LINGO2: variants seen among roughly 807,000 people sequenced by gnomAD.
LINGO2 encodes leucine-rich repeat and immunoglobulin-like domain-containing nogo receptor-interacting protein 2.
LINGO2 carries 14 observed loss-of-function variants against 30.6 expected under a neutral mutation model. That is an observed-to-expected ratio of 0.46 (90% CI 0.30 to 0.72). The LOEUF is 0.72. Among genes scored for constraint, LINGO2 ranks in the 30% least tolerant of loss-of-function variants. LINGO2 has a pLI of 0.07. For synonymous variants in LINGO2, 317 were observed against 288.5 expected (o/e 1.10, Z -1.00); for missense variants, 729 against 751.7 (o/e 0.97, Z 0.35).
chr9:28,140,109 T>C (rs148835185), intron 4 of LINGO2, among the ~76,000 whole-genome samples: 6 of 152,282 alleles, frequency 3.9e-5, no homozygotes, highest in African/African-American at 1.4e-4. Flanking sequence ...AGGCTAAATC[T>C]TAAAGACCTA....
chr9:29,161,984 A>G, the LINGO2 span, among the ~76,000 whole-genome samples: 1 of 151,882 alleles, frequency 6.6e-6, no homozygotes, highest in South Asian at 2.1e-4. Context: ...CAGTGGCACA[A>G]TCTCGGCTTA....
chr9:29,060,954 G>A, the LINGO2 span, among the ~76,000 whole-genome samples: 1 of 151,834 alleles, frequency 6.6e-6, no homozygotes, highest in Non-Finnish European at 1.5e-5. Flanking sequence ...ATAGATTACA[G>A]CAGAAAAAAA....
chr9:28,861,189 AT>A, the LINGO2 span, among the ~76,000 whole-genome samples: 47 of 102,412 alleles, frequency 4.6e-4, no homozygotes, highest in African/African-American at 1.9e-3. Context: ...ATATTAATAT[AT>A]TTTATATATT....
chr9:28,510,596 T>G (rs1205617778), intron 1 of LINGO2, among the ~76,000 whole-genome samples: 1 of 151,944 alleles, frequency 6.6e-6, no homozygotes, highest in Middle Eastern at 3.4e-3. Context: ...AACAGGCACA[T>G]TCAGTGAAAC....
At chr9:28,684,656 C>T in the LINGO2 span, among the ~76,000 whole-genome samples, 1 of 151,466 alleles carries the variant, frequency 6.6e-6, no homozygotes, top group Non-Finnish European at 1.5e-5. Flanking sequence ...GTAGCTGGGA[C>T]CACAAGCACA....
chr9:28,023,812 A>G (rs185050532), intron 4 of LINGO2, among the ~76,000 whole-genome samples: 13 of 152,194 alleles, frequency 8.5e-5, no homozygotes, highest in Middle Eastern at 3.4e-3. Context: ...TAGAGATAAA[A>G]CTTACCAAAG....
the LINGO2 span, among the ~76,000 whole-genome samples, chr9:28,979,072 G>C: frequency 1.3e-5 from 2 of 151,886 alleles, no homozygotes; most frequent in Non-Finnish European, 2.9e-5. Flanking sequence ...CCTGCTGTCT[G>C]CTCTTTTGTT....
the LINGO2 span, among the ~76,000 whole-genome samples, chr9:28,970,472 A>G: frequency 6.6e-6 from 1 of 152,086 alleles, no homozygotes. Flanking sequence ...CTATCCATGA[A>G]AGAGGCAATG....
intron 5 of LINGO2, among the ~76,000 whole-genome samples, chr9:27,981,064 A>G (rs1203938138): frequency 6.6e-6 from 1 of 151,822 alleles, no homozygotes; most frequent in Non-Finnish European, 1.5e-5. Context: ...GCTGATGAGT[A>G]TGTATTTGTA....
In LINGO2 at chr9:28,554,207, T is replaced by C. The variant is rs201105385; in HGVS notation, c.-364-78182A>G. Among the ~76,000 whole-genome samples, 51 of 151,584 alleles carry C rather than the reference T, an allele frequency of 3.4e-4. No homozygotes were observed. The East Asian group carries it at 8.8e-3, about 26-fold the overall frequency. Reference sequence around the variant, plus strand: ...CAATTAAAAGACACAGACTGGCAAATTGGATCAAGAGTCAAGACCCATCAG... The same window carrying C: ...CAATTAAAAGACACAGACTGGCAAACTGGATCAAGAGTCAAGACCCATCAG... On this transcript the variant is annotated intron_variant, in intron 1 of 5. Transcript: ENST00000379992.
the LINGO2 span, among the ~76,000 whole-genome samples, chr9:28,830,027 G>T: frequency 6.6e-6 from 1 of 152,148 alleles, no homozygotes; most frequent in Non-Finnish European, 1.5e-5. Context: ...CAACAAGACA[G>T]ATTTCTGGAC....
chr9:28,324,472 G>A (rs1825153998), intron 3 of LINGO2, among the ~76,000 whole-genome samples: 1 of 152,182 alleles, frequency 6.6e-6, no homozygotes, highest in South Asian at 2.1e-4. Flanking sequence ...GGATGAATAG[G>A]AAGTTGGCAC....
At chr9:28,149,461 C>A (rs547091714) in intron 4 of LINGO2, among the ~76,000 whole-genome samples, 2 of 151,366 alleles carry the variant, frequency 1.3e-5, no homozygotes, top group African/African-American at 4.8e-5. Flanking sequence ...GCGCCTCTGC[C>A]CGGCCCCCGC....
At chr9:28,574,599 T>C (rs986447734) in intron 1 of LINGO2, among the ~76,000 whole-genome samples, 10 of 152,194 alleles carry the variant, frequency 6.6e-5, no homozygotes, top group Non-Finnish European at 1.5e-4. Context: ...GAGATTACTA[T>C]GAAGAGGACT....
chr9:28,595,754 AG>A (rs1156641269), intron 1 of LINGO2, among the ~76,000 whole-genome samples: 1 of 152,150 alleles, frequency 6.6e-6, no homozygotes, highest in African/African-American at 2.4e-5. Flanking sequence ...GGCAGAAACT[AG>A]GAAAGTAGGA....
chr9:28,547,611 T>C (rs1377852708), intron 1 of LINGO2, among the ~76,000 whole-genome samples: 2 of 152,114 alleles, frequency 1.3e-5, no homozygotes, highest in South Asian at 2.1e-4. Flanking sequence ...ACATGGAAAT[T>C]AAGAAGCCTA....
intron 4 of LINGO2, among the ~76,000 whole-genome samples, chr9:28,203,145 A>C (rs998365414): frequency 6.6e-6 from 1 of 152,222 alleles, no homozygotes. Flanking sequence ...ATATGCAGTG[A>C]ACTAAATTAC....
At chr9:28,002,809 C>A (rs1406641055) in intron 5 of LINGO2, among the ~76,000 whole-genome samples, 8 of 152,138 alleles carry the variant, frequency 5.3e-5, no homozygotes, top group African/African-American at 1.9e-4. Flanking sequence ...TTTTCTCAGG[C>A]TACTCTGGTT....
intron 2 of LINGO2, among the ~76,000 whole-genome samples, chr9:28,417,523 A>C (rs1823012541): frequency 6.6e-6 from 1 of 151,856 alleles, no homozygotes; most frequent in Non-Finnish European, 1.5e-5. Context: ...TTATTCCATA[A>C]GGTTAGAAAA....
Sources: gnomAD v4.1 joint callset for allele counts (sites outside exome capture counted in the v4.1 genomes callset) on GRCh38, gnomAD v4.1.1 for gene constraint, MANE v1.5 for transcripts, NCBI Gene and HGNC (gene_info 2026-07-23, HGNC 2026-07-21) for gene names.